FAM185A: variants seen among roughly 807,000 people sequenced by gnomAD.
FAM185A encodes the protein family with sequence similarity 185 member A.
Under a neutral mutation model 45.7 loss-of-function variants are expected in FAM185A, and 21 were observed. The observed-to-expected ratio is 0.46, with a 90% CI of 0.33 to 0.66. FAM185A has a LOEUF of 0.66. Ranked by LOEUF, FAM185A falls within the 30% of genes least tolerant of loss-of-function variation. The pLI, the probability that FAM185A is intolerant of heterozygous loss-of-function variation, is 0.03. For missense variants in FAM185A, 305 were observed against 485.4 expected (o/e 0.63, Z 3.49); for synonymous variants, 117 against 194.0 (o/e 0.60, Z 3.30).
the FAM185A span, among the ~76,000 whole-genome samples, chr7:102,849,024 A>G: frequency 1.3e-5 from 2 of 152,176 alleles, no homozygotes; most frequent in African/African-American, 4.8e-5. Context: ...CAGAGTAAAT[A>G]ATTGGATTTA....
intron 7 of FAM185A, among the ~76,000 whole-genome samples, chr7:102,788,180 G>A (rs1795934513): frequency 6.6e-6 from 1 of 152,074 alleles, no homozygotes; most frequent in African/African-American, 2.4e-5. Flanking sequence ...TGTTGGCCAG[G>A]CTGCTCTCAA....
At chr7:102,775,074 G>T (rs1302269346) in intron 5 of FAM185A, among the ~76,000 whole-genome samples, 1 of 151,848 alleles carries the variant, frequency 6.6e-6, no homozygotes, top group African/African-American at 2.4e-5. Context: ...TATATTTAAG[G>T]TATACATGCA....
chr7:102,805,754 G>C (rs1011604821), intron 7 of FAM185A, among the ~76,000 whole-genome samples: 3 of 152,108 alleles, frequency 2.0e-5, no homozygotes, highest in African/African-American at 7.2e-5. Flanking sequence ...GTCATAAATT[G>C]ATACATGGGG....
the FAM185A span, among the ~76,000 whole-genome samples, chr7:102,833,521 C>G: frequency 6.7e-6 from 1 of 149,004 alleles, no homozygotes; most frequent in Non-Finnish European, 1.5e-5. Flanking sequence ...CAACCTCTGT[C>G]TGCCAGGTTC....
At chr7:102,811,676 C>T (rs1584384191), downstream of FAM185A, among the ~76,000 whole-genome samples, 1 of 152,146 alleles carries the variant, frequency 6.6e-6, no homozygotes, top group East Asian at 1.9e-4. Flanking sequence ...TTATAAGTTC[C>T]ACCAGTTGTG....
the FAM185A span, among the ~76,000 whole-genome samples, chr7:102,818,214 G>A: frequency 1.3e-5 from 2 of 152,196 alleles, no homozygotes; most frequent in Admixed American, 1.3e-4. Context: ...CAGAGCACGT[G>A]TCTACCCTTA....
At position 102,749,242 on chromosome 7, in the gene FAM185A, G is replaced by A. The variant is rs535029724; in HGVS notation, c.35G>A (p.Cys12Tyr). The change falls in exon 1 of 8, where the codon TGC becomes TAC. Residue 12 changes from cysteine (C) to tyrosine (Y), a missense_variant. Physicochemically the swap from Cys to Tyr is radical, Grantham distance 194. Transcript: ENST00000413034. Reference sequence around the variant, plus strand: ...CCCTGCTCAGGTTGGGAGCTTGGCTGCTTCCGTCTCTGTCTCCGTCAGGTC... The same window carrying A: ...CCCTGCTCAGGTTGGGAGCTTGGCTACTTCCGTCTCTGTCTCCGTCAGGTC... ...LAPCSGWELGCFRLCLRQVRL... is the reference protein window; with the variant it reads ...LAPCSGWELGYFRLCLRQVRL... 7.1e-6 allele frequency: 11 copies of A among 1,551,018 alleles called. No homozygotes were observed. The South Asian group carries it at 1.3e-4, about 18-fold the overall frequency.
intron 6 of FAM185A, among the ~76,000 whole-genome samples, chr7:102,780,531 A>G (rs900682549): frequency 5.3e-5 from 8 of 152,150 alleles, no homozygotes; most frequent in Admixed American, 1.3e-4. Flanking sequence ...ATCCTTTTCT[A>G]TTGTTATTTT....
At chr7:102,772,272 C>G in intron 4 of FAM185A, 137 bp from the exon 5 acceptor site, 2 of 565,044 alleles carry the variant, frequency 3.5e-6, no homozygotes, top group Non-Finnish European at 3.1e-6. Flanking sequence ...CAATCTTTGA[C>G]TGGACTTGTG....
intron 2 of FAM185A, among the ~76,000 whole-genome samples, chr7:102,752,561 C>A (rs540733218): frequency 1.3e-5 from 2 of 151,376 alleles, no homozygotes; most frequent in Non-Finnish European, 2.9e-5. Flanking sequence ...TGAGCCACTG[C>A]GTCCGGCTGT....
Position 102,787,464 on chromosome 7 carries a change from T to C in FAM185A, c.1061T>C (p.Val354Ala). The C allele has an allele frequency of 1.3e-6, 2 of 1,508,800 alleles. No individual in the cohort carries two copies. Among genetic ancestry groups the C allele is most frequent in the Non-Finnish European group, 1.8e-6 (2 of 1,117,568 alleles). The allele number at this position is 1,508,800 out of a possible 1,614,324, so 93.5% of individuals were successfully genotyped here. The part of the protein sequence containing the change: ...AEVRKDDVVT[V>A]TGLMNQASKR... The stretch of plus-strand genomic sequence containing the variant: ...GTTCGTAAAGATGATGTTGTAACAG[T>C]GACTGGTAAGGAGGCTGCATTTTGC... Residue 354 changes from valine to alanine, a missense_variant, in exon 7 of 8, where the codon GTG becomes GCG. Around this residue, in one of 5 missense-constraint regions of FAM185A, gnomAD observed 66 missense variants for 74.6 expected, o/e 0.89. Transcript: ENST00000413034.
At chr7:102,814,077 T>G (rs1797663411), downstream of FAM185A, among the ~76,000 whole-genome samples, 1 of 152,078 alleles carries the variant, frequency 6.6e-6, no homozygotes. Flanking sequence ...AACACAGTAT[T>G]AAAAAATACT....
intron 2 of FAM185A, among the ~76,000 whole-genome samples, chr7:102,754,084 GTTTAAGT>G (rs1793534460): frequency 6.6e-6 from 1 of 152,150 alleles, no homozygotes; most frequent in Non-Finnish European, 1.5e-5. Context: ...AAAATATCTG[GTTTAAGT>G]TTTAAGTATC....
At chr7:102,826,769 A>ATATATATATATGTATG in the FAM185A span, among the ~76,000 whole-genome samples, 4 of 100,744 alleles carry the variant, frequency 4.0e-5, no homozygotes, top group African/African-American at 1.5e-4. Flanking sequence ...ATATATATAT[A>ATATATATATATGTATG]TATGTATATA....
At chr7:102,775,844 A>T (rs570117070) in intron 5 of FAM185A, among the ~76,000 whole-genome samples, 6 of 152,084 alleles carry the variant, frequency 3.9e-5, no homozygotes, top group African/African-American at 1.4e-4. Flanking sequence ...GTTGGTTCGT[A>T]AGCAGTGAAA....
rs1055372357 is a variant in FAM185A, at chr7:102,807,768, T to C, written c.1067-522T>C. Among the ~76,000 whole-genome samples, 317 of 137,118 alleles carry C rather than the reference T, an allele frequency of 2.3e-3. 2 individuals are homozygous for C. The highest frequency in any genetic ancestry group is 8.0e-3 in the African/African-American group (295 of 36,832). 90.0% of individuals were successfully genotyped at this position (137,118 alleles called of 152,430 possible). A position where few individuals can be genotyped will look rare whatever the true frequency, so the allele number is the denominator to read the frequency against. On this transcript the variant is annotated intron_variant, in intron 7 of 7. Coordinates refer to ENST00000413034, the MANE Select transcript of FAM185A (RefSeq NM_001145268.2). Reference sequence around the variant, plus strand: ...CTCCACTTAAAAAAAAAAAAAAAAATACAGAGTAGGCTGGGCGTGGTGGCT... The same window carrying C: ...CTCCACTTAAAAAAAAAAAAAAAAACACAGAGTAGGCTGGGCGTGGTGGCT...
chr7:102,765,522 T>C (rs1408387216), intron 4 of FAM185A, among the ~76,000 whole-genome samples: 1 of 151,840 alleles, frequency 6.6e-6, no homozygotes, highest in African/African-American at 2.4e-5. Flanking sequence ...TCTAACATAC[T>C]AGTGCCGAGT....
chr7:102,793,461 G>A (rs1314039852), intron 7 of FAM185A, among the ~76,000 whole-genome samples: 1 of 151,888 alleles, frequency 6.6e-6, no homozygotes, highest in Non-Finnish European at 1.5e-5. Context: ...CGCCCACCTC[G>A]GCCTCCCAAA....
At chr7:102,834,086 A>AAAAGAAAGAAAGAAAG in the FAM185A span, among the ~76,000 whole-genome samples, 105 of 93,690 alleles carry the variant, frequency 1.1e-3, no homozygotes, top group South Asian at 3.5e-3. Flanking sequence ...GGAAGGAAAG[A>AAAAGAAAGAAAGAAAG]AAAGAAAGAA....
Sources: gnomAD v4.1 joint callset for allele counts (sites outside exome capture counted in the v4.1 genomes callset) on GRCh38, gnomAD v4.1.1 for gene constraint, gnomAD v4.1.1 regional missense constraint, MANE v1.5 for transcripts, NCBI Gene and HGNC (gene_info 2026-07-23, HGNC 2026-07-21) for gene names.